THOC2: variants seen among roughly 807,000 people sequenced by gnomAD.
The protein encoded by THOC2 is THO complex 2.
In THOC2, 10 loss-of-function variants were observed where a neutral mutation model predicts 128.4. The observed-to-expected ratio is 0.08, with a 90% CI of 0.05 to 0.13. The LOEUF is 0.13. Ranked by LOEUF, THOC2 falls within the 10% of genes least tolerant of loss-of-function variation. The probability of loss-of-function intolerance (pLI) is 1.00; values close to 1 mark genes in which losing one functional copy is unlikely to be tolerated. For synonymous variants in THOC2, 393 were observed against 396.9 expected (o/e 0.99, Z 0.12); for missense variants, 535 against 1,155.7 (o/e 0.46, Z 7.79).
Position 123,659,262 on chromosome X carries a change from G to A in THOC2, c.1386+6380C>T, listed in dbSNP as rs776096911. 6.2e-5 allele frequency among the ~76,000 whole-genome samples: 7 copies of A among 112,085 alleles called. No individual in the cohort carries two copies. The South Asian group carries it at 1.9e-3, about 30-fold the overall frequency. ...ACTGAATCAAAAACTCCAAGGATGG[G>A]GCCCAACAATTTATTTTAACAAGTC... On this transcript the variant is annotated intron_variant, in intron 12 of 38. Coordinates refer to ENST00000245838, the MANE Select transcript of THOC2 (RefSeq NM_001081550.2).
intron 3 of THOC2, among the ~76,000 whole-genome samples, chrX:123,706,614 C>T (rs2050945041): frequency 9.5e-6 from 1 of 104,732 alleles, no homozygotes; most frequent in Admixed American, 1.1e-4. Flanking sequence ...TACCAACAAC[C>T]AGATAAAAAT....
Position 123,640,555 on chromosome X carries a change from T to A in THOC2, c.1729A>T (p.Thr577Ser). 8.4e-7 allele frequency: 1 copy of A among 1,191,783 alleles called. No homozygotes were observed. The highest frequency in any genetic ancestry group is 1.1e-6 in the Non-Finnish European group (1 of 884,906). The stretch of plus-strand genomic sequence containing the variant: ...AAACATACATAATCAAACAAAATGG[T>A]TGGATTGCTGTGGCTCAACTTCCCA... ...QIGKLSHSNP[T>S]ILFDYILSQI... Residue 577 changes from threonine to serine, a missense_variant, in exon 16 of 39, where the codon ACC (threonine) becomes TCC (serine). Thr to Ser is a moderately conservative substitution (Grantham distance 58). Coordinates refer to ENST00000245838, the MANE Select transcript of THOC2 (RefSeq NM_001081550.2).
rs187037138 is a variant in THOC2 at position 123,731,953 on chromosome X, G to C, written c.71+999C>G. ...GAGGGTTAATTTCATCCAGGGTTGA[G>C]CTTTAGCATCTAAAAGCGACCCAGA... On this transcript the variant is annotated intron_variant, in intron 1 of 38. Coordinates refer to ENST00000245838, the MANE Select transcript of THOC2 (RefSeq NM_001081550.2). Among the ~76,000 whole-genome samples the C allele has an allele frequency of 8.1e-4, 90 of 111,734 alleles. 1 individual carries two copies. In the Middle Eastern group the frequency reaches 0.014, roughly 17 times the overall value.
intron 22 of THOC2, among the ~76,000 whole-genome samples, chrX:123,629,246 CAT>C (rs1556020483): frequency 1.5e-4 from 15 of 102,036 alleles, no homozygotes; most frequent in African/African-American, 4.1e-4. Context: ...CACACACACA[CAT>C]ATATATGAAG....
chrX:123,703,980 T>C (rs1434306314), intron 3 of THOC2, among the ~76,000 whole-genome samples: 5 of 101,387 alleles, frequency 4.9e-5, no homozygotes, highest in Non-Finnish European at 9.9e-5. Context: ...TATTGACAAA[T>C]ATTAAAATTC....
chrX:123,709,914 T>C (rs1199866011), intron 2 of THOC2, among the ~76,000 whole-genome samples: 3 of 109,818 alleles, frequency 2.7e-5, no homozygotes, highest in African/African-American at 9.9e-5. Context: ...TCATTGGCAG[T>C]GGCTGGGGTG....
chrX:123,625,255 C>A (rs1314316154), intron 25 of THOC2, among the ~76,000 whole-genome samples: 1 of 110,062 alleles, frequency 9.1e-6, no homozygotes, highest in Admixed American at 9.7e-5. Context: ...CCACACCCGG[C>A]TAATTTTTTT....
intron 34 of THOC2, 44 bp from the exon 35 acceptor site, chrX:123,613,752 T>C: frequency 8.7e-7 from 1 of 1,150,448 alleles, no homozygotes; most frequent in Non-Finnish European, 1.2e-6. Flanking sequence ...GGGCTTCTGT[T>C]TTTGTTTTAA....
intron 12 of THOC2, among the ~76,000 whole-genome samples, chrX:123,656,526 T>C (rs1274592770): frequency 9.1e-6 from 1 of 110,253 alleles, no homozygotes; most frequent in Non-Finnish European, 1.9e-5. Flanking sequence ...CTAGCCAACA[T>C]GGCGAAACCC....
chrX:123,713,750 G>C (rs1247824870), intron 1 of THOC2, among the ~76,000 whole-genome samples: 1 of 109,149 alleles, frequency 9.2e-6, no homozygotes, highest in Non-Finnish European at 1.9e-5. Flanking sequence ...CGGGAGGCTG[G>C]GGTGAAAAAA....
chrX:123,622,244 A>G (rs1022478477), intron 30 of THOC2, among the ~76,000 whole-genome samples: 2 of 110,345 alleles, frequency 1.8e-5, no homozygotes, highest in Non-Finnish European at 3.8e-5. Context: ...CTAAAAACAC[A>G]CAAAAAATTA....
Position 123,638,091 on chromosome X carries a change from T to G in THOC2, c.1873A>C (p.Lys625Gln). Residue 625 changes from lysine to glutamine, a missense_variant, in exon 18 of 39, where the codon AAG (lysine) becomes CAG (glutamine). Around this residue, in one of 9 missense-constraint regions of THOC2, gnomAD observed 197 missense variants for 313.4 expected, o/e 0.63. Transcript: ENST00000245838. ...CIIEALANPE[K>Q]ERMKHDDTTI... ...GTGTCATCATGTTTCATTCTTTCCT[T>G]TTCTGGATTAGCTAAAGCTTCAATG... 1 of 1,195,530 alleles carries G rather than the reference T, an allele frequency of 8.4e-7. No individual in the cohort carries two copies. The highest frequency in any genetic ancestry group is 1.1e-6 in the Non-Finnish European group (1 of 883,847).
intron 1 of THOC2, among the ~76,000 whole-genome samples, chrX:123,719,524 A>G (rs2051592922): frequency 1.8e-5 from 2 of 109,121 alleles, no homozygotes; most frequent in Non-Finnish European, 3.8e-5. Flanking sequence ...GCAAGACTCC[A>G]TCTCTACAAT....
chrX:123,719,780 A>G (rs1246064131), intron 1 of THOC2, among the ~76,000 whole-genome samples: 2 of 108,850 alleles, frequency 1.8e-5, no homozygotes, highest in Non-Finnish European at 3.8e-5. Flanking sequence ...CAAAAAAAAA[A>G]AAAGAAAGAA....
intron 36 of THOC2, among the ~76,000 whole-genome samples, chrX:123,612,190 T>G (rs1169405931): frequency 9.0e-6 from 1 of 111,328 alleles, no homozygotes; most frequent in Non-Finnish European, 1.9e-5. Context: ...CCAAGATAAT[T>G]AAAAATAGGT....
At chrX:123,645,096 A>G (rs1288223204) in intron 13 of THOC2, among the ~76,000 whole-genome samples, 187 bp from the exon 14 acceptor site, 1 of 112,280 alleles carries the variant, frequency 8.9e-6, no homozygotes, top group Non-Finnish European at 1.9e-5. Flanking sequence ...TGGGGTGAGG[A>G]AAGGAAAGGG....
chrX:123,702,742 G>A (rs1341654016), intron 4 of THOC2, among the ~76,000 whole-genome samples: 1 of 107,476 alleles, frequency 9.3e-6, no homozygotes, highest in African/African-American at 3.4e-5. Context: ...CAGCCTGGTC[G>A]AAAGAGTAAG....
intron 4 of THOC2, among the ~76,000 whole-genome samples, chrX:123,698,366 G>A (rs187695223): frequency 1.4e-4 from 15 of 108,498 alleles, no homozygotes; most frequent in Non-Finnish European, 2.9e-4. Context: ...ACTGAGGCAG[G>A]AGAATCGCTT....
chrX:123,646,637 G>A lies in THOC2; in HGVS notation c.1387-1262C>T, dbSNP rs765314717. ...CAGGGCCTGCCATGTTACCTTTATG[G>A]GAAAATACATACACTCAATTTGTTT... On this transcript the variant is annotated intron_variant, in intron 12 of 38. Transcript: ENST00000245838. 1.1e-3 allele frequency among the ~76,000 whole-genome samples: 119 copies of A among 112,073 alleles called. 1 individual carries two copies. The highest frequency in any genetic ancestry group is 1.6e-3 in the Non-Finnish European group (85 of 53,239).
Sources: allele counts gnomAD v4.1 joint callset (sites outside exome capture counted in the v4.1 genomes callset), GRCh38; gene constraint gnomAD v4.1.1; regional missense constraint gnomAD v4.1.1; transcripts MANE v1.5; gene names NCBI Gene and HGNC (gene_info 2026-07-23, HGNC 2026-07-21).